The following ALDH1L2 variants were observed in gnomAD, a reference collection of about 807,000 sequenced individuals.
The protein encoded by ALDH1L2 is aldehyde dehydrogenase 1 family member L2.
A neutral mutation model predicts 111.0 loss-of-function variants in ALDH1L2; 91 were observed. That is an observed-to-expected ratio of 0.82 (90% confidence interval 0.69 to 0.98). The LOEUF is 0.98. Among genes scored for constraint, ALDH1L2 ranks in the 50% least tolerant of loss-of-function variants. The pLI is 0.00. For synonymous variants in ALDH1L2, 374 were observed against 392.6 expected (o/e 0.95, Z 0.56); for missense variants, 995 against 1,126.8 (o/e 0.88, Z 1.67).
intron 2 of ALDH1L2, among the ~76,000 whole-genome samples, chr12:105,071,423 C>T (rs900500360): frequency 6.6e-6 from 1 of 151,740 alleles, no homozygotes; most frequent in Non-Finnish European, 1.5e-5. Flanking sequence ...ACCAGGGTCT[C>T]CTTCCTGAGA....
At chr12:105,044,596 G>A (rs1454717924) in intron 15 of ALDH1L2, among the ~76,000 whole-genome samples, 1 of 150,102 alleles carries the variant, frequency 6.7e-6, no homozygotes, top group African/African-American at 2.4e-5. Flanking sequence ...AAACAAGAGT[G>A]GGAGACAGTA....
At chr12:105,041,039 C>CT (rs1875499869) in intron 15 of ALDH1L2, among the ~76,000 whole-genome samples, 1 of 152,202 alleles carries the variant, frequency 6.6e-6, no homozygotes, top group Admixed American at 6.5e-5. Flanking sequence ...CTAAATACTT[C>CT]TGTGTGCATT....
At chr12:105,072,851 G>A (rs1227823236) in intron 2 of ALDH1L2, among the ~76,000 whole-genome samples, 7 of 152,198 alleles carry the variant, frequency 4.6e-5, no homozygotes, top group African/African-American at 1.7e-4. Context: ...GTGGGTGCCT[G>A]TAATCCCAGC....
At position 105,070,727 on chromosome 12, in the gene ALDH1L2, C is replaced by G. The variant is rs769909176; in HGVS notation, c.271G>C (p.Val91Leu). ...WRVKGKTIKEVAEAYRSVGAE... is the reference protein window; with the variant it reads ...WRVKGKTIKELAEAYRSVGAE... The stretch of plus-strand genomic sequence containing the variant: ...CCCACGGATCTGTAGGCTTCTGCCA[C>G]TTCTTTGATGGTCTTGCCCTTGACC... The change falls in exon 3 of 23, where the codon GTG becomes CTG. Residue 91 changes from valine to leucine, a missense_variant. By Grantham distance (32) the Val-to-Leu change is conservative. Transcript: ENST00000258494. 8.7e-6 allele frequency: 14 copies of G among 1,614,186 alleles called. No homozygotes were observed. The South Asian group carries it at 1.5e-4, about 18-fold the overall frequency.
At chr12:105,077,550 A>G (rs372458228) in intron 1 of ALDH1L2, among the ~76,000 whole-genome samples, 10 of 151,976 alleles carry the variant, frequency 6.6e-5, no homozygotes, top group African/African-American at 2.4e-4. Context: ...AAGTGCTAGG[A>G]TTACAGGCGT....
At chr12:105,057,511 G>A (rs141936112) in intron 10 of ALDH1L2, among the ~76,000 whole-genome samples, 5 of 152,220 alleles carry the variant, frequency 3.3e-5, no homozygotes, top group Non-Finnish European at 5.9e-5. Flanking sequence ...CAACCCAAAT[G>A]TACATCAACT....
At chr12:105,040,524 C>A (rs1875470000) in intron 16 of ALDH1L2, 83 bp downstream of exon 16, 1 of 1,210,172 alleles carries the variant, frequency 8.3e-7, no homozygotes, top group African/African-American at 1.5e-5. Context: ...TAATTCAGGA[C>A]AAGTCTCTAG....
Position 105,065,277 on chromosome 12 carries a change from A to G in ALDH1L2, c.776T>C (p.Ile259Thr). Residue 259 changes from isoleucine to threonine, a missense_variant, in exon 6 of 23, where the codon ATA becomes ACA. By Grantham distance (89) the Ile-to-Thr change is moderately conservative. Transcript: ENST00000258494. Reference sequence around the variant, plus strand: ...GTCCCTAAAACATACCTGTCCATTTATCTCTGTCCAAGCTCCAGGGACTTT... The same window carrying G: ...GTCCCTAAAACATACCTGTCCATTTGTCTCTGTCCAAGCTCCAGGGACTTT... ...HDKVPGAWTE[I>T]NGQMVTFYGS... The G allele has an allele frequency of 6.2e-7, 1 of 1,607,350 alleles. No homozygotes were observed. Among genetic ancestry groups the G allele is most frequent in the Non-Finnish European group, 8.5e-7 (1 of 1,175,394 alleles).
intron 15 of ALDH1L2, among the ~76,000 whole-genome samples, chr12:105,041,887 T>C (rs1316730591): frequency 6.6e-6 from 1 of 152,204 alleles, no homozygotes; most frequent in East Asian, 1.9e-4. Flanking sequence ...GAGCATTACA[T>C]TGCTTTCAGG....
chr12:105,055,533 A>C (rs898920369), intron 10 of ALDH1L2, among the ~76,000 whole-genome samples: 2 of 152,180 alleles, frequency 1.3e-5, no homozygotes, highest in Non-Finnish European at 2.9e-5. Flanking sequence ...ACGTGCAGAG[A>C]AACAGGAAAG....
Position 105,061,041 on chromosome 12 carries a change from G to C in ALDH1L2, c.1079C>G (p.Pro360Arg), listed in dbSNP as rs1876965022. ...GAAGTCTGTTGAGTCTTCAATAATG[G>C]GGACATTGCTTAAAATTCCAGCCCA... is the stretch of plus-strand genomic sequence containing the variant. ...VIWAGILSNVPIIEDSTDFFK... is the reference protein window; with the variant it reads ...VIWAGILSNVRIIEDSTDFFK... The change falls in exon 9 of 23, where the codon CCC (proline) becomes CGC (arginine). Residue 360 changes from proline (P) to arginine (R), a missense_variant. Pro to Arg is a moderately radical substitution (Grantham distance 103, BLOSUM62 -2). Coordinates refer to ENST00000258494, the MANE Select transcript of ALDH1L2 (RefSeq NM_001034173.4). 6.2e-7 allele frequency: 1 copy of C among 1,613,776 alleles called. No individual in the cohort carries two copies. Among genetic ancestry groups the C allele is most frequent in the South Asian group, 1.1e-5 (1 of 91,068 alleles).
At chr12:105,068,971 T>C (rs1445375527) in intron 3 of ALDH1L2, 87 bp from the exon 4 acceptor site, 12 of 1,192,050 alleles carry the variant, frequency 1.0e-5, no homozygotes, top group Non-Finnish European at 1.3e-5. Flanking sequence ...AAGATAGTTA[T>C]AATGGAAAAG....
intron 5 of ALDH1L2, among the ~76,000 whole-genome samples, 164 bp from the exon 6 acceptor site, chr12:105,065,520 T>C (rs991737356): frequency 5.3e-5 from 8 of 152,240 alleles, no homozygotes; most frequent in African/African-American, 1.7e-4. Flanking sequence ...GTGGCTGATT[T>C]AGTAAACAAG....
At chr12:105,066,360 G>A (rs1445183697) in intron 5 of ALDH1L2, among the ~76,000 whole-genome samples, 1 of 152,030 alleles carries the variant, frequency 6.6e-6, no homozygotes, top group Non-Finnish European at 1.5e-5. Flanking sequence ...TGCAAATTTT[G>A]AGTGGTCTTC....
In ALDH1L2 at chr12:105,030,431, T is replaced by A; in HGVS notation, c.2411-2A>T. ...ACACGGTCGGCTCCATGAAAAAGCC[T>A]TTTTGGAAAAAACAAAGAAAAAATG... On this transcript the variant is annotated splice_acceptor_variant, in intron 20 of 22. Coordinates refer to ENST00000258494, the MANE Select transcript of ALDH1L2 (RefSeq NM_001034173.4). LOFTEE classifies it high-confidence loss of function. 1 of 1,601,946 alleles carries A rather than the reference T, an allele frequency of 6.2e-7. No homozygotes were observed. The highest frequency in any genetic ancestry group is 8.5e-7 in the Non-Finnish European group (1 of 1,174,340).
Position 105,020,090 on chromosome 12 carries a change from A to G in ALDH1L2, c.*4334T>C, listed in dbSNP as rs1874089777. ...AAAAATCTACTCAGGCATCATTTGT[A>G]TAATAGTAATAATAATTTAATCCCC... On this transcript the variant is annotated 3_prime_UTR_variant, in exon 23 of 23. Transcript: ENST00000258494. 6.6e-6 allele frequency: 1 copy of G among 152,158 alleles called. No homozygotes were observed. Among genetic ancestry groups the G allele is most frequent in the Non-Finnish European group, 1.5e-5 (1 of 68,026 alleles). 9.4% of individuals were successfully genotyped at this position (152,158 alleles called of 1,614,324 possible). A position where few individuals can be genotyped will look rare whatever the true frequency, so the allele number is the denominator to read the frequency against.
intron 6 of ALDH1L2, among the ~76,000 whole-genome samples, chr12:105,063,485 A>T (rs1305164406): frequency 2.6e-5 from 4 of 151,772 alleles, no homozygotes; most frequent in Non-Finnish European, 4.4e-5. Flanking sequence ...CAAAGAAAAA[A>T]AAAAAGAAAG....
intron 1 of ALDH1L2, among the ~76,000 whole-genome samples, chr12:105,081,381 C>A: frequency 6.6e-6 from 1 of 152,076 alleles, no homozygotes; most frequent in East Asian, 1.9e-4. Flanking sequence ...GAAACAAGAA[C>A]CTGGTTCCTA....
At chr12:105,067,242 A>G (rs997375424) in intron 4 of ALDH1L2, among the ~76,000 whole-genome samples, 6 of 151,630 alleles carry the variant, frequency 4.0e-5, no homozygotes, top group South Asian at 4.2e-4. Context: ...AAAAGAAAAG[A>G]AAAAGAAAAA....
Sources: allele counts gnomAD v4.1 joint callset (sites outside exome capture counted in the v4.1 genomes callset), GRCh38; gene constraint gnomAD v4.1.1; transcripts MANE v1.5; gene names NCBI Gene and HGNC (gene_info 2026-07-23, HGNC 2026-07-21).